PTPRM: variants seen among roughly 807,000 people sequenced by gnomAD.
PTPRM encodes receptor-type tyrosine-protein phosphatase mu.
Under a neutral mutation model 186.7 loss-of-function variants are expected in PTPRM, and 47 were observed. The ratio of observed to expected loss-of-function variants is 0.25; its 90% CI spans 0.20 to 0.32. The LOEUF (loss-of-function observed/expected upper bound fraction) is 0.32, where lower values mean the gene tolerates loss of function less well. PTPRM is among the 10% of genes least tolerant of loss of function. PTPRM has a pLI of 1.00. For synonymous variants in PTPRM, 668 were observed against 674.9 expected (o/e 0.99, Z 0.16); for missense variants, 1,494 against 1,865.0 (o/e 0.80, Z 3.66).
chr18:7,926,669 A>G lies in PTPRM; in HGVS notation c.649A>G (p.Arg217Gly). 1.6e-5 allele frequency: 25 copies of G among 1,612,502 alleles called. No homozygotes were observed. Among genetic ancestry groups the G allele is most frequent in the Non-Finnish European group, 2.1e-5 (25 of 1,179,606 alleles). Reference protein sequence around the residue: ...SAIGRTVAGDRLWLQGIDVRD... With the variant: ...SAIGRTVAGDGLWLQGIDVRD... ...CATCGGCAGGACCGTGGCAGGAGAC[A>G]GGCTCTGGTTACAGGTACAGTAACT... is the stretch of plus-strand genomic sequence containing the variant. The change falls in exon 5 of 33, where the codon AGG becomes GGG. Residue 217 changes from arginine (R) to glycine (G), a missense_variant. Arg to Gly is a moderately radical substitution (Grantham distance 125). Around this residue, in one of 3 missense-constraint regions of PTPRM, gnomAD observed 296 missense variants for 345.5 expected, o/e 0.86. Transcript: ENST00000580170.
At chr18:8,339,359 C>T (rs954111197) in intron 22 of PTPRM, among the ~76,000 whole-genome samples, 2 of 152,122 alleles carry the variant, frequency 1.3e-5, no homozygotes, top group African/African-American at 2.4e-5. Context: ...AGATTTCCCA[C>T]AGGGGGACAA....
intron 7 of PTPRM, among the ~76,000 whole-genome samples, chr18:7,974,735 A>C (rs74488692): frequency 0.02 from 3,061 of 152,346 alleles, 48 homozygotes; most frequent in Non-Finnish European, 0.029. Flanking sequence ...TGCTGTGTTC[A>C]CATCTAACGG....
At chr18:7,902,228 T>A (rs969569810) in intron 3 of PTPRM, among the ~76,000 whole-genome samples, 1 of 152,234 alleles carries the variant, frequency 6.6e-6, no homozygotes, top group Non-Finnish European at 1.5e-5. Flanking sequence ...TCAGCTGCTG[T>A]CCTTCTTTGC....
chr18:8,263,047 G>A (rs2094651363), intron 19 of PTPRM, among the ~76,000 whole-genome samples: 1 of 152,096 alleles, frequency 6.6e-6, no homozygotes, highest in South Asian at 2.1e-4. Flanking sequence ...AAAATGGAAA[G>A]CATAGATATG....
At chr18:7,831,015 G>A (rs1031353266) in intron 2 of PTPRM, among the ~76,000 whole-genome samples, 2 of 152,086 alleles carry the variant, frequency 1.3e-5, no homozygotes, top group African/African-American at 4.8e-5. Flanking sequence ...TAAAAGAAGG[G>A]GTTAAATATA....
chr18:7,828,368 T>G (rs982263591), intron 2 of PTPRM, among the ~76,000 whole-genome samples: 2 of 152,050 alleles, frequency 1.3e-5, no homozygotes, highest in African/African-American at 4.8e-5. Flanking sequence ...ACTCGTCATT[T>G]AACATTAGGT....
chr18:7,643,363 A>G (rs570964484), intron 1 of PTPRM, among the ~76,000 whole-genome samples: 56 of 152,154 alleles, frequency 3.7e-4, no homozygotes, highest in African/African-American at 1.2e-3. Flanking sequence ...ATTTTGAGAC[A>G]GAGTCTCGCT....
chr18:7,810,747 C>A (rs1035342607), intron 2 of PTPRM, among the ~76,000 whole-genome samples: 6 of 152,122 alleles, frequency 3.9e-5, no homozygotes, highest in Non-Finnish European at 7.4e-5. Context: ...CCTTTATAAA[C>A]TGTGTTGTAT....
At chr18:8,206,397 C>T (rs1476258662) in intron 14 of PTPRM, among the ~76,000 whole-genome samples, 8 of 152,114 alleles carry the variant, frequency 5.3e-5, no homozygotes, top group Middle Eastern at 3.4e-3. Flanking sequence ...TACAGGCGCC[C>T]GCCACCACAT....
In PTPRM at chr18:8,113,662, T is replaced by C. The variant is rs1456884876; in HGVS notation, c.2033T>C (p.Ile678Thr). The C allele has an allele frequency of 6.2e-7, 1 of 1,613,844 alleles. No homozygotes were observed. The highest frequency in any genetic ancestry group is 8.5e-7 in the Non-Finnish European group (1 of 1,179,770). Residue 678 changes from isoleucine (I) to threonine (T), a missense_variant, in exon 12 of 33, where the codon ATT (isoleucine) becomes ACT (threonine). Ile to Thr is a moderately conservative substitution (Grantham distance 89). This residue lies in a region of PTPRM where 1,107 missense variants were observed against 1,350.2 expected (regional missense o/e 0.82). Transcript: ENST00000580170. Reference protein sequence around the residue: ...DSLQAAQPFTIGDNKTYNGYW... With the variant: ...DSLQAAQPFTTGDNKTYNGYW... ...CTCCAAGCTGCGCAGCCTTTTACAA[T>C]TGGTGATAATAAGACATATAATGGA...
intron 5 of PTPRM, among the ~76,000 whole-genome samples, chr18:7,947,500 A>G (rs1010869272): frequency 6.6e-6 from 1 of 152,194 alleles, no homozygotes; most frequent in African/African-American, 2.4e-5. Flanking sequence ...ATTCCTTTGT[A>G]GGCTAGCATT....
intron 1 of PTPRM, among the ~76,000 whole-genome samples, chr18:7,613,957 G>T (rs1040612125): frequency 3.5e-4 from 54 of 152,292 alleles, no homozygotes; most frequent in African/African-American, 1.2e-3. Context: ...TTACTGGGCT[G>T]CTAGATAGTT....
intron 23 of PTPRM, among the ~76,000 whole-genome samples, chr18:8,351,639 C>T (rs1179818508): frequency 6.6e-6 from 1 of 152,198 alleles, no homozygotes; most frequent in Admixed American, 6.5e-5. Context: ...TCCTTCAATT[C>T]TGTAGGTCAT....
At chr18:8,300,946 T>C (rs1424588044) in intron 20 of PTPRM, among the ~76,000 whole-genome samples, 1 of 152,160 alleles carries the variant, frequency 6.6e-6, no homozygotes, top group East Asian at 1.9e-4. Context: ...GCATACATCA[T>C]GACTCACACG....
intron 19 of PTPRM, among the ~76,000 whole-genome samples, chr18:8,262,800 TA>T (rs1306420583): frequency 5.3e-5 from 8 of 152,246 alleles, no homozygotes; most frequent in Non-Finnish European, 1.0e-4. Context: ...CAATACTGAA[TA>T]TGTGCTGAAT....
At chr18:7,920,532 G>A (rs935458832) in intron 4 of PTPRM, among the ~76,000 whole-genome samples, 3 of 152,026 alleles carry the variant, frequency 2.0e-5, no homozygotes, top group African/African-American at 2.4e-5. Flanking sequence ...TTCAGTTTGC[G>A]TGTTTTTATA....
At chr18:7,738,475 G>T (rs2040818722) in intron 1 of PTPRM, among the ~76,000 whole-genome samples, 1 of 151,468 alleles carries the variant, frequency 6.6e-6, no homozygotes, top group East Asian at 1.9e-4. Flanking sequence ...TCGCTCTGTT[G>T]CCCAGGCTGG....
At chr18:7,684,509 T>G (rs2144597848) in intron 1 of PTPRM, among the ~76,000 whole-genome samples, 1 of 152,218 alleles carries the variant, frequency 6.6e-6, no homozygotes, top group South Asian at 2.1e-4. Context: ...CCCATTTCCC[T>G]CTCCCCGAGC....
chr18:7,792,911 C>T lies in PTPRM; in HGVS notation c.196+18640C>T, dbSNP rs998473690. ...AACTCTTGGGCTCAAGTAATTCAAC[C>T]ACCTTGGCCTCCCAGATATTAATAA... On this transcript the variant is annotated intron_variant, in intron 2 of 32. Coordinates refer to ENST00000580170, the MANE Select transcript of PTPRM (RefSeq NM_001105244.2). 2.6e-5 allele frequency among the ~76,000 whole-genome samples: 4 copies of T among 152,102 alleles called. 1 individual carries two copies. Among genetic ancestry groups the T allele is most frequent in the South Asian group, 4.1e-4 (2 of 4,830 alleles).
Sources: allele counts gnomAD v4.1 joint callset (sites outside exome capture counted in the v4.1 genomes callset), GRCh38; gene constraint gnomAD v4.1.1; regional missense constraint gnomAD v4.1.1; transcripts MANE v1.5; gene names NCBI Gene and HGNC (gene_info 2026-07-23, HGNC 2026-07-21).